The following FAM221A variants were observed in gnomAD, a reference collection of about 807,000 sequenced individuals.
FAM221A encodes the protein protein FAM221A.
Under a neutral mutation model 37.6 loss-of-function variants are expected in FAM221A, and 43 were observed. The observed-to-expected ratio is 1.15, with a 90% confidence interval of 0.90 to 1.48. FAM221A has a LOEUF of 1.48. Ranked by LOEUF, FAM221A falls within the 40% of genes most tolerant of loss-of-function variation. The probability of loss-of-function intolerance (pLI) is 0.00; values close to 1 mark genes in which losing one functional copy is unlikely to be tolerated. For synonymous variants in FAM221A, 135 were observed against 132.9 expected (o/e 1.02, Z -0.11); for missense variants, 361 against 361.5 (o/e 1.00, Z 0.01).
At chr7:23,695,518 G>A (rs577666041) in intron 4 of FAM221A, among the ~76,000 whole-genome samples, 13 of 152,172 alleles carry the variant, frequency 8.5e-5, no homozygotes, top group East Asian at 3.9e-4. Flanking sequence ...GATTACAGGC[G>A]CATGCCACCA....
chr7:23,700,334 C>T (rs1452469902), intron 5 of FAM221A, among the ~76,000 whole-genome samples: 1 of 152,160 alleles, frequency 6.6e-6, no homozygotes, highest in East Asian at 1.9e-4. Context: ...GTGCTTGATC[C>T]ATTTGACAAA....
At chr7:23,690,472 T>C (rs1784678138) in intron 3 of FAM221A, among the ~76,000 whole-genome samples, 1 of 152,072 alleles carries the variant, frequency 6.6e-6, no homozygotes, top group Admixed American at 6.6e-5. Context: ...CCCAAAGTGC[T>C]GGGATTCCAG....
rs182324988 is a variant in FAM221A, at chr7:23,691,566, G to A, written c.607G>A (p.Gly203Ser). 9.3e-6 allele frequency: 15 copies of A among 1,614,144 alleles called. No individual in the cohort carries two copies. In the African/African-American group the frequency reaches 2.0e-4, roughly 22 times the overall value. Residue 203 changes from glycine (G) to serine (S), a missense_variant, in exon 4 of 7, where the codon GGC becomes AGC. Gly to Ser is a moderately conservative substitution (Grantham distance 56). Coordinates refer to ENST00000344962, the MANE Select transcript of FAM221A (RefSeq NM_199136.5). Reference sequence around the variant, plus strand: ...AACTGGTTTCAGCTCGCTGGCGGAAGGCTACATGCGGTTAGATGACAGTGG... The same window carrying A: ...AACTGGTTTCAGCTCGCTGGCGGAAAGCTACATGCGGTTAGATGACAGTGG... ...GLTGFSSLAE[G>S]YMRLDDSGIG...
At chr7:23,696,272 A>T (rs1785055886) in intron 4 of FAM221A, among the ~76,000 whole-genome samples, 2 of 152,252 alleles carry the variant, frequency 1.3e-5, no homozygotes, top group African/African-American at 2.4e-5. Flanking sequence ...ATAAAAAATA[A>T]AATGGGCCGT....
At chr7:23,690,196 TATA>T (rs1172112978) in intron 3 of FAM221A, among the ~76,000 whole-genome samples, 3,503 of 47,058 alleles carry the variant, frequency 0.074, 197 homozygotes, top group African/African-American at 0.19. Flanking sequence ...TATATATATA[TATA>T]TTTTTTTTTT....
At chr7:23,685,338 C>T (rs1279867820) in intron 2 of FAM221A, among the ~76,000 whole-genome samples, 1 of 152,086 alleles carries the variant, frequency 6.6e-6, no homozygotes, top group African/African-American at 2.4e-5. Flanking sequence ...GTTTTTAAAG[C>T]TATAATTAAA....
intron 4 of FAM221A, chr7:23,692,262 G>GT (rs70956906): frequency 6.2e-3 from 4,511 of 724,980 alleles, no homozygotes; most frequent in Non-Finnish European, 6.9e-3. Context: ...AGGTGTGTAA[G>GT]TTTTTTTTTT....
At chr7:23,681,725 A>G (rs1430725782) in intron 1 of FAM221A, among the ~76,000 whole-genome samples, 1 of 152,212 alleles carries the variant, frequency 6.6e-6, no homozygotes, top group East Asian at 1.9e-4. Context: ...TATTTTTGCA[A>G]TCGTAAATAA....
intron 2 of FAM221A, among the ~76,000 whole-genome samples, chr7:23,686,086 A>T (rs1406465835): frequency 6.6e-6 from 1 of 152,230 alleles, no homozygotes; most frequent in Admixed American, 6.5e-5. Flanking sequence ...AGCAACTCCA[A>T]CTAAAAACAC....
intron 4 of FAM221A, among the ~76,000 whole-genome samples, chr7:23,697,822 G>A (rs1785154201): frequency 6.6e-6 from 1 of 152,160 alleles, no homozygotes; most frequent in Non-Finnish European, 1.5e-5. Flanking sequence ...TGTGATCATA[G>A]CTCACTGCAG....
intron 2 of FAM221A, chr7:23,687,966 G>T (rs954376624): frequency 3.2e-4 from 48 of 151,368 alleles, no homozygotes; most frequent in African/African-American, 1.2e-3. Flanking sequence ...ACTCTTGATA[G>T]CATTGTGTAT....
chr7:23,700,954 C>G, intron 6 of FAM221A, 86 bp downstream of exon 6: 1 of 894,652 alleles, frequency 1.1e-6, no homozygotes, highest in African/African-American at 1.7e-5. Context: ...GTGGAACATC[C>G]TTGAAAATAA....
downstream of FAM221A, chr7:23,702,766 T>C (rs1289581781): frequency 6.6e-6 from 1 of 152,264 alleles, no homozygotes; most frequent in East Asian, 1.9e-4. Context: ...GGACACATCT[T>C]GTGTGCCACT....
At chr7:23,680,329 C>A in intron 1 of FAM221A, 46 bp downstream of exon 1, 2 of 1,472,794 alleles carry the variant, frequency 1.4e-6, no homozygotes, top group African/African-American at 1.4e-5. Flanking sequence ...TCCGAGGGGC[C>A]AGGATCCCTG....
intron 3 of FAM221A, among the ~76,000 whole-genome samples, 192 bp downstream of exon 3, chr7:23,689,651 G>T (rs1390201393): frequency 6.6e-6 from 1 of 152,120 alleles, no homozygotes; most frequent in Non-Finnish European, 1.5e-5. Flanking sequence ...TTTCATTTTT[G>T]TGGAAGAACT....
chr7:23,683,134 C>G (rs755126705), intron 1 of FAM221A, among the ~76,000 whole-genome samples: 12 of 152,184 alleles, frequency 7.9e-5, no homozygotes, highest in Middle Eastern at 3.2e-3. Flanking sequence ...TAGCATTCCA[C>G]AAACATCACT....
intron 5 of FAM221A, 148 bp from the exon 6 acceptor site, chr7:23,700,638 G>T: frequency 1.8e-6 from 1 of 549,178 alleles, no homozygotes; most frequent in Non-Finnish European, 3.2e-6. Context: ...AAAAGAGAAT[G>T]AGGTAGTAGG....
At chr7:23,696,945 T>A (rs1449524396) in intron 4 of FAM221A, among the ~76,000 whole-genome samples, 1 of 152,032 alleles carries the variant, frequency 6.6e-6, no homozygotes, top group African/African-American at 2.4e-5. Flanking sequence ...TGTGAGTCAG[T>A]GGGCCAGTCA....
intron 4 of FAM221A, among the ~76,000 whole-genome samples, chr7:23,697,048 C>A (rs961023392): frequency 6.6e-6 from 1 of 152,108 alleles, no homozygotes; most frequent in Admixed American, 6.5e-5. Flanking sequence ...GGAGTCTGTA[C>A]TTATAGTCGG....
Sources: gnomAD v4.1 joint callset for allele counts (sites outside exome capture counted in the v4.1 genomes callset) on GRCh38, gnomAD v4.1.1 for gene constraint, MANE v1.5 for transcripts, NCBI Gene and HGNC (gene_info 2026-07-23, HGNC 2026-07-21) for gene names.